The following UBTD1 variants were observed in gnomAD, a reference collection of about 807,000 sequenced individuals.
The protein encoded by UBTD1 is ubiquitin domain containing 1, also known as ubiquitin domain-containing protein 1.
A neutral mutation model predicts 21.7 loss-of-function variants in UBTD1; 19 were observed. The observed-to-expected ratio is 0.87, with a 90% CI of 0.61 to 1.28. The LOEUF (loss-of-function observed/expected upper bound fraction) is 1.28, where lower values mean the gene tolerates loss of function less well. Among genes scored for constraint, UBTD1 ranks in the 50% most tolerant of loss-of-function variants. The probability of loss-of-function intolerance (pLI) is 0.00; values close to 1 mark genes in which losing one functional copy is unlikely to be tolerated. For synonymous variants in UBTD1, 116 were observed against 135.1 expected, an observed-to-expected ratio of 0.86 and a Z score of 0.98; for missense variants, 282 against 315.1, an observed-to-expected ratio of 0.89 and a Z score of 0.80.
intron 1 of UBTD1, among the ~76,000 whole-genome samples, chr10:97,518,680 A>G (rs1203809869): frequency 6.6e-6 from 1 of 152,198 alleles, no homozygotes; most frequent in Non-Finnish European, 1.5e-5. Context: ...TGGTCTGCCC[A>G]GCTGTTCTTG....
intron 1 of UBTD1, among the ~76,000 whole-genome samples, chr10:97,544,493 C>T (rs1050969717): frequency 2.6e-5 from 4 of 152,152 alleles, no homozygotes; most frequent in South Asian, 2.1e-4. Context: ...CCTTGAACAA[C>T]GCAGGGTTAG....
intron 1 of UBTD1, among the ~76,000 whole-genome samples, chr10:97,504,835 A>T (rs538331413): frequency 6.6e-6 from 1 of 152,292 alleles, no homozygotes; most frequent in East Asian, 1.9e-4. Context: ...GTGGTGTTCT[A>T]TCTCTGGGAC....
chr10:97,544,291 CAA>C (rs35919777), intron 1 of UBTD1, among the ~76,000 whole-genome samples: 3 of 139,140 alleles, frequency 2.2e-5, no homozygotes. Flanking sequence ...AACTCTGTCT[CAA>C]AAAAAAAAAA....
At chr10:97,527,733 A>G (rs1257303240) in intron 1 of UBTD1, among the ~76,000 whole-genome samples, 1 of 152,086 alleles carries the variant, frequency 6.6e-6, no homozygotes, top group Non-Finnish European at 1.5e-5. Flanking sequence ...CCCTGAGTGG[A>G]CACAGCACAT....
chr10:97,548,503 C>T (rs943260397), intron 1 of UBTD1, among the ~76,000 whole-genome samples: 6 of 152,176 alleles, frequency 3.9e-5, no homozygotes, highest in Non-Finnish European at 8.8e-5. Flanking sequence ...CAGGATAGAA[C>T]CCTAGAGTCA....
intron 2 of UBTD1, among the ~76,000 whole-genome samples, chr10:97,569,527 C>G (rs1220467943): frequency 6.6e-6 from 1 of 152,218 alleles, no homozygotes; most frequent in African/African-American, 2.4e-5. Context: ...ATCAGGCTGT[C>G]CTAGGGAGAT....
intron 1 of UBTD1, among the ~76,000 whole-genome samples, chr10:97,528,740 T>C (rs1589873251): frequency 1.4e-5 from 1 of 73,604 alleles, no homozygotes; most frequent in African/African-American, 5.1e-5. Context: ...CCCACCTCCC[T>C]CCCGGACGGG....
intron 1 of UBTD1, among the ~76,000 whole-genome samples, chr10:97,517,679 A>G (rs1158495304): frequency 6.6e-6 from 1 of 152,110 alleles, no homozygotes; most frequent in Non-Finnish European, 1.5e-5. Flanking sequence ...GTGACTGGAC[A>G]TGGGCTCCAC....
chr10:97,562,971 C>T (rs934302038), intron 1 of UBTD1, among the ~76,000 whole-genome samples: 4 of 151,632 alleles, frequency 2.6e-5, no homozygotes, highest in Admixed American at 6.6e-5. Context: ...CTGCTTCGGG[C>T]GGGATTAGGG....
At chr10:97,525,695 C>T (rs2040485420) in intron 1 of UBTD1, among the ~76,000 whole-genome samples, 1 of 152,172 alleles carries the variant, frequency 6.6e-6, no homozygotes, top group African/African-American at 2.4e-5. Flanking sequence ...TATTTTTCTG[C>T]TTAACTTGGG....
chr10:97,562,731 G>T (rs1310969729), intron 1 of UBTD1, among the ~76,000 whole-genome samples: 1 of 152,184 alleles, frequency 6.6e-6, no homozygotes, highest in East Asian at 1.9e-4. Flanking sequence ...ATCAGTTAAG[G>T]CAGGAACTGG....
At chr10:97,528,344 G>C (rs1293367946) in intron 1 of UBTD1, among the ~76,000 whole-genome samples, 1 of 128,682 alleles carries the variant, frequency 7.8e-6, no homozygotes, top group Non-Finnish European at 1.7e-5. Flanking sequence ...CTCGCCTGGC[G>C]GGGGGCTGAC....
chr10:97,501,838 G>C (rs2040377824), intron 1 of UBTD1, among the ~76,000 whole-genome samples: 1 of 152,060 alleles, frequency 6.6e-6, no homozygotes, highest in African/African-American at 2.4e-5. Flanking sequence ...CACCTTGCCT[G>C]ACAAGTCTGC....
chr10:97,542,777 C>G (rs2040592583), intron 1 of UBTD1, among the ~76,000 whole-genome samples: 1 of 152,198 alleles, frequency 6.6e-6, no homozygotes, highest in South Asian at 2.1e-4. Flanking sequence ...TCCCCTGAGC[C>G]ACCTGCTTCT....
intron 1 of UBTD1, among the ~76,000 whole-genome samples, chr10:97,534,486 T>G (rs1038380492): frequency 2.7e-4 from 41 of 152,034 alleles, no homozygotes; most frequent in African/African-American, 9.9e-4. Flanking sequence ...ATGACAAGGA[T>G]CTTTTACTGC....
At position 97,506,918 on chromosome 10, in the gene UBTD1, C is replaced by T. The variant is rs574576190; in HGVS notation, c.70+7645C>T. Among the ~76,000 whole-genome samples, 4 of 152,270 alleles carry T rather than the reference C, an allele frequency of 2.6e-5. No homozygotes were observed. The South Asian group carries it at 8.3e-4, about 32-fold the overall frequency. ...TTATTCATTCCTCCATTGATGGACC[C>T]CTGGGTTGCTTCCACCTTTTGGCTA... is the stretch of plus-strand genomic sequence containing the variant. On this transcript the variant is annotated intron_variant, in intron 1 of 2. Transcript: ENST00000370664.
intron 1 of UBTD1, among the ~76,000 whole-genome samples, chr10:97,544,296 A>AAG (rs1013783678): frequency 9.9e-5 from 15 of 151,746 alleles, no homozygotes; most frequent in Non-Finnish European, 2.2e-4. Flanking sequence ...TGTCTCAAAA[A>AAG]AAAAAAAAGG....
chr10:97,521,620 C>T (rs1033069812), intron 1 of UBTD1, among the ~76,000 whole-genome samples: 3 of 152,238 alleles, frequency 2.0e-5, no homozygotes, highest in Non-Finnish European at 2.9e-5. Context: ...GGAGGGCCAC[C>T]CTCAGGCAGG....
intron 1 of UBTD1, among the ~76,000 whole-genome samples, chr10:97,508,138 C>T (rs934865106): frequency 7.2e-5 from 11 of 152,202 alleles, no homozygotes; most frequent in African/African-American, 2.7e-4. Context: ...TCTGTTATCA[C>T]CTTTTCACAG....
Sources: allele counts gnomAD v4.1 joint callset (sites outside exome capture counted in the v4.1 genomes callset), GRCh38; gene constraint gnomAD v4.1.1; transcripts MANE v1.5; gene names NCBI Gene and HGNC (gene_info 2026-07-23, HGNC 2026-07-21).